Variants in ZNF320 observed in about 807,000 individuals in gnomAD.
ZNF320 encodes zinc finger protein 320, also known as zinc finger gene 320.
In ZNF320, 2 loss-of-function variants were observed where a neutral mutation model predicts 6.8. The ratio of observed to expected loss-of-function variants is 0.29; its 90% CI spans 0.12 to 0.93. The LOEUF (loss-of-function observed/expected upper bound fraction) is 0.93, where lower values mean the gene tolerates loss of function less well. ZNF320 is among the 40% of genes least tolerant of loss of function. The pLI is 0.55. For missense variants in ZNF320, 472 were observed against 611.0 expected, an observed-to-expected ratio of 0.77 and a Z score of 2.40; for synonymous variants, 208 against 203.2, an observed-to-expected ratio of 1.02 and a Z score of -0.20.
exon 6 of ZNF320, among the ~76,000 whole-genome samples, chr19:52,863,637 T>G (rs1423871006): frequency 6.7e-6 from 1 of 149,236 alleles, no homozygotes; most frequent in Non-Finnish European, 1.5e-5. Context: ...AACTAAAATA[T>G]GGGAATCTCA....
upstream of ZNF320, among the ~76,000 whole-genome samples, chr19:52,898,921 GT>G (rs1321025116): frequency 5.3e-5 from 8 of 152,188 alleles, no homozygotes; most frequent in African/African-American, 1.9e-4. Flanking sequence ...CCTGTCTTTG[GT>G]TTTACTTTCT....
chr19:52,886,914 G>A (rs1282169411), intron 5 of ZNF320, among the ~76,000 whole-genome samples: 1 of 150,768 alleles, frequency 6.6e-6, no homozygotes, highest in Non-Finnish European at 1.5e-5. Flanking sequence ...TAGCCTGGAT[G>A]AAAGAGTGAA....
At chr19:52,871,503 A>C (rs1433337018), downstream of ZNF320, among the ~76,000 whole-genome samples, 2 of 152,132 alleles carry the variant, frequency 1.3e-5, no homozygotes, top group African/African-American at 4.8e-5. Context: ...TAAGTGACAG[A>C]GTGACACTCC....
At position 52,880,986 on chromosome 19, in the gene ZNF320, A is replaced by G. The variant is rs1378149966; in HGVS notation, c.1140T>C (p.Thr380=). Residue 380 remains threonine (T), a synonymous_variant, in exon 6 of 6, where the codon ACT becomes ACC. Coordinates refer to ENST00000682928, the MANE Select transcript of ZNF320 (RefSeq NM_001351774.2). ...SRLAEHQRVH[T]GERPYTCNEC... ...CATTACATGTGTAAGGTCTCTCTCCAGTATGAACTCTCTGATGTTCTGCAA... is the reference window on the plus strand; with the variant it reads ...CATTACATGTGTAAGGTCTCTCTCCGGTATGAACTCTCTGATGTTCTGCAA... 1.2e-6 allele frequency: 2 copies of G among 1,613,740 alleles called. No individual in the cohort carries two copies. The highest frequency in any genetic ancestry group is 1.7e-4 in the Middle Eastern group (1 of 6,058).
exon 6 of ZNF320, chr19:52,862,969 T>C (rs773041792): frequency 1.3e-4 from 27 of 200,660 alleles, no homozygotes; most frequent in Non-Finnish European, 2.4e-4. Flanking sequence ...AAGGCAGAGA[T>C]TGCAGTGAGC....
intron 5 of ZNF320, among the ~76,000 whole-genome samples, chr19:52,867,832 G>A (rs751932735): frequency 1.3e-5 from 2 of 151,864 alleles, no homozygotes; most frequent in African/African-American, 2.4e-5. Flanking sequence ...GGCTGGTCTC[G>A]AAGTCCTGAC....
In ZNF320 at chr19:52,863,941, A is replaced by T; in HGVS notation, c.*88T>A. ...CCAGCTGTGTACATCAAAAGCACGTATGGGGCAAAATCACAAAAGAGAATA... is the reference window on the plus strand; with the variant it reads ...CCAGCTGTGTACATCAAAAGCACGTTTGGGGCAAAATCACAAAAGAGAATA... On this transcript the variant is annotated 3_prime_UTR_variant, in exon 6 of 6. Transcript: ENST00000673631. 1.8e-5 allele frequency: 7 copies of T among 398,730 alleles called. 1 individual carries two copies. Among genetic ancestry groups the T allele is most frequent in the South Asian group, 1.4e-4 (7 of 50,670 alleles). The allele number at this position is 398,730 out of a possible 1,614,324, so 24.7% of individuals were successfully genotyped here.
intron 1 of ZNF320, chr19:52,895,862 C>T (rs1020850246): frequency 6.6e-6 from 1 of 151,286 alleles, no homozygotes; most frequent in East Asian, 1.9e-4. Flanking sequence ...TTATCAGGTA[C>T]TAGTAAATGC....
At position 52,865,647 on chromosome 19, in the gene ZNF320, T is replaced by A. The variant is rs12981143; in HGVS notation, c.224-1488A>T. 3.4e-4 allele frequency among the ~76,000 whole-genome samples: 43 copies of A among 125,936 alleles called. 2 individuals carry two copies. Among genetic ancestry groups the A allele is most frequent in the African/African-American group, 1.3e-3 (39 of 30,554 alleles). 82.6% of individuals were successfully genotyped at this position (125,936 alleles called of 152,430 possible). ...TTTATATATGATTATACATATATATTTATATATGATTATACATATATATTA... is the reference window on the plus strand; with the variant it reads ...TTTATATATGATTATACATATATATATATATATGATTATACATATATATTA... On this transcript the variant is annotated intron_variant, in intron 5 of 5. Transcript: ENST00000673631.
intron 3 of ZNF320, among the ~76,000 whole-genome samples, chr19:52,890,697 C>T (rs1428633494): frequency 1.3e-5 from 2 of 151,954 alleles, no homozygotes; most frequent in Non-Finnish European, 2.9e-5. Context: ...CATGGTGAAA[C>T]CCCATCTCTA....
At chr19:52,884,563 C>T (rs916436052) in intron 5 of ZNF320, among the ~76,000 whole-genome samples, 6 of 152,170 alleles carry the variant, frequency 3.9e-5, no homozygotes, top group African/African-American at 1.2e-4. Flanking sequence ...AGTGATCAAC[C>T]TGTCTCAGCC....
the ZNF320 span, among the ~76,000 whole-genome samples, chr19:52,902,710 T>C: frequency 1.3e-5 from 2 of 152,250 alleles, no homozygotes; most frequent in African/African-American, 2.4e-5. Flanking sequence ...GTGTTACTAA[T>C]GTTAAATTTA....
upstream of ZNF320, among the ~76,000 whole-genome samples, chr19:52,901,470 T>C (rs1449679592): frequency 6.6e-6 from 1 of 152,176 alleles, no homozygotes; most frequent in Non-Finnish European, 1.5e-5. Flanking sequence ...TTGCAGGGGT[T>C]GGCGAAGCTG....
exon 6 of ZNF320, chr19:52,862,446 G>T: frequency 2.5e-6 from 1 of 406,950 alleles, no homozygotes. Context: ...TGAGTTCACT[G>T]ATGAACTGCA....
At chr19:52,861,190 C>G (rs2063485234) in exon 6 of ZNF320, among the ~76,000 whole-genome samples, 1 of 152,104 alleles carries the variant, frequency 6.6e-6, no homozygotes, top group East Asian at 1.9e-4. Context: ...ATATCAGCAG[C>G]AAAAATTAGT....
intron 5 of ZNF320, among the ~76,000 whole-genome samples, chr19:52,885,811 C>T (rs2064059210): frequency 2.0e-5 from 3 of 152,088 alleles, no homozygotes; most frequent in Non-Finnish European, 4.4e-5. Context: ...CAGGCTGAGG[C>T]AGGAGAATTG....
At position 52,880,786 on chromosome 19, in the gene ZNF320, C is replaced by A. The variant is rs376442224; in HGVS notation, c.1340G>T (p.Gly447Val). 1 of 1,613,790 alleles carries A rather than the reference C, an allele frequency of 6.2e-7. No homozygotes were observed. The highest frequency in any genetic ancestry group is 1.3e-5 in the African/African-American group (1 of 74,914). ...GEKPHKCGDC[G>V]KAFNSPSHLI... is the part of the protein sequence containing the mutation. The stretch of plus-strand genomic sequence containing the variant: ...GTGTGAAGGTGAATTAAAGGCTTTA[C>A]CACAATCACCACACTTGTGAGGTTT... The change falls in exon 6 of 6, where the codon GGT (glycine) becomes GTT (valine). Residue 447 changes from glycine (G) to valine (V), a missense_variant. Physicochemically the swap from Gly to Val is moderately radical, Grantham distance 109. Transcript: ENST00000682928.
intron 1 of ZNF320, among the ~76,000 whole-genome samples, chr19:52,896,061 C>A (rs1419638589): frequency 1.3e-5 from 2 of 152,082 alleles, no homozygotes; most frequent in Admixed American, 6.6e-5. Context: ...GATGTGAGCT[C>A]ATAAGATTCT....
At chr19:52,892,785 T>C (rs924209839) in intron 2 of ZNF320, among the ~76,000 whole-genome samples, 31 of 151,512 alleles carry the variant, frequency 2.0e-4, no homozygotes, top group African/African-American at 6.8e-4. Flanking sequence ...GCACCCCAGA[T>C]CCCCAGGTGT....
Sources: allele counts gnomAD v4.1 joint callset (sites outside exome capture counted in the v4.1 genomes callset), GRCh38; gene constraint gnomAD v4.1.1; transcripts MANE v1.5; gene names NCBI Gene and HGNC (gene_info 2026-07-23, HGNC 2026-07-21).